Variants in DHRS7B observed in about 807,000 individuals in gnomAD.
DHRS7B encodes dehydrogenase/reductase 7B.
A neutral mutation model predicts 26.4 loss-of-function variants in DHRS7B; 24 were observed. The ratio of observed to expected loss-of-function variants is 0.91; its 90% CI spans 0.66 to 1.28. The LOEUF is 1.28. DHRS7B is among the 50% of genes most tolerant of loss of function. The pLI, the probability that DHRS7B is intolerant of heterozygous loss-of-function variation, is 0.00. For missense variants in DHRS7B, 368 were observed against 419.4 expected (o/e 0.88, Z 1.07); for synonymous variants, 142 against 166.4 (o/e 0.85, Z 1.13).
chr17:21,160,586 G>A (rs533738292), intron 1 of DHRS7B, among the ~76,000 whole-genome samples: 8 of 152,274 alleles, frequency 5.3e-5, no homozygotes, highest in Admixed American at 5.2e-4. Flanking sequence ...TGCTAGCAAG[G>A]AAGTGGAGCA....
rs901329961 is a variant in DHRS7B at position 21,138,211 on chromosome 17, C to CTTTTT, written c.20+11239_20+11243dup. On this transcript the variant is annotated intron_variant, in intron 1 of 6. Coordinates refer to ENST00000395511, the MANE Select transcript of DHRS7B (RefSeq NM_015510.5). ...TTGTCTTGAACATCCATCCCTCCTT[C>CTTTTT]TTTTTTTTTTTTTTTTTTTTTTTGA... is the stretch of plus-strand genomic sequence containing the variant. Among the ~76,000 whole-genome samples the CTTTTT allele has an allele frequency of 5.5e-4, 43 of 78,220 alleles. 5 individuals are homozygous for CTTTTT. Among genetic ancestry groups the CTTTTT allele is most frequent in the African/African-American group, 1.0e-3 (17 of 17,022 alleles). 51.3% of individuals were successfully genotyped at this position (78,220 alleles called of 152,430 possible). A position where few individuals can be genotyped will look rare whatever the true frequency, so the allele number is the denominator to read the frequency against.
At chr17:21,190,393 G>A (rs1470252262) in intron 6 of DHRS7B, among the ~76,000 whole-genome samples, 2 of 152,114 alleles carry the variant, frequency 1.3e-5, no homozygotes, top group Non-Finnish European at 1.5e-5. Context: ...ACTTGACATC[G>A]AGAACAGGGA....
intron 1 of DHRS7B, among the ~76,000 whole-genome samples, chr17:21,131,327 G>A (rs545535069): frequency 4.6e-5 from 7 of 152,338 alleles, no homozygotes; most frequent in African/African-American, 1.4e-4. Flanking sequence ...AAAGGGGTGG[G>A]TAATTCCCGG....
chr17:21,188,238 A>C (rs1400590706), intron 5 of DHRS7B, among the ~76,000 whole-genome samples: 1 of 151,858 alleles, frequency 6.6e-6, no homozygotes, highest in East Asian at 1.9e-4. Context: ...TTCCCTGTTA[A>C]CCTTTTACCT....
chr17:21,129,704 C>CAAAAAAAAAAA (rs61077377), intron 1 of DHRS7B, among the ~76,000 whole-genome samples: 3 of 74,762 alleles, frequency 4.0e-5, no homozygotes, highest in African/African-American at 4.8e-5. Context: ...GACCCTGACT[C>CAAAAAAAAAAA]AAAAAAAAAA....
chr17:21,191,400 A>C lies in DHRS7B; in HGVS notation c.*247A>C, dbSNP rs1597763955. On this transcript the variant is annotated 3_prime_UTR_variant, in exon 7 of 7. Coordinates refer to ENST00000395511, the MANE Select transcript of DHRS7B (RefSeq NM_015510.5). ...CTGGGGTTTAACACTAAAAACTAGAAATAAACATCTCAAACAGTAAGAGTT... is the reference window on the plus strand; with the variant it reads ...CTGGGGTTTAACACTAAAAACTAGACATAAACATCTCAAACAGTAAGAGTT... 2 of 509,054 alleles carry C rather than the reference A, an allele frequency of 3.9e-6. No homozygotes were observed. The highest frequency in any genetic ancestry group is 3.8e-5 in the African/African-American group (2 of 52,094). 31.5% of individuals were successfully genotyped at this position (509,054 alleles called of 1,614,324 possible).
intron 1 of DHRS7B, among the ~76,000 whole-genome samples, chr17:21,131,669 A>G (rs545586755): frequency 3.1e-4 from 47 of 152,308 alleles, no homozygotes; most frequent in African/African-American, 1.1e-3. Flanking sequence ...CCCAGCCTCT[A>G]TTCAAAATAG....
chr17:21,139,167 A>G (rs1973433659), intron 1 of DHRS7B, among the ~76,000 whole-genome samples: 1 of 152,184 alleles, frequency 6.6e-6, no homozygotes, highest in African/African-American at 2.4e-5. Flanking sequence ...AAACCTCCTT[A>G]TTGCCTGTGG....
At chr17:21,187,263 A>G (rs1974658797) in intron 5 of DHRS7B, among the ~76,000 whole-genome samples, 1 of 151,666 alleles carries the variant, frequency 6.6e-6, no homozygotes, top group Non-Finnish European at 1.5e-5. Flanking sequence ...CGAGGCTGCA[A>G]GGAGCTATGA....
At chr17:21,151,566 A>G (rs1973772920) in intron 1 of DHRS7B, among the ~76,000 whole-genome samples, 1 of 151,990 alleles carries the variant, frequency 6.6e-6, no homozygotes, top group African/African-American at 2.4e-5. Context: ...AAAAAGCTTA[A>G]CAAACTGAAA....
intron 1 of DHRS7B, among the ~76,000 whole-genome samples, chr17:21,162,015 A>C (rs72840004): frequency 4.6e-5 from 7 of 151,972 alleles, no homozygotes; most frequent in African/African-American, 1.7e-4. Flanking sequence ...TTTTTCACAC[A>C]GCTCTAAAAA....
chr17:21,166,683 G>T (rs1056472420), intron 1 of DHRS7B, among the ~76,000 whole-genome samples: 1 of 152,166 alleles, frequency 6.6e-6, no homozygotes. Context: ...ACTGGCCATT[G>T]GTTATAAAAT....
intron 1 of DHRS7B, among the ~76,000 whole-genome samples, chr17:21,146,746 C>G (rs1476582088): frequency 6.6e-6 from 1 of 152,134 alleles, no homozygotes; most frequent in Non-Finnish European, 1.5e-5. Context: ...CAATGAATTG[C>G]AAGAAACAAA....
intron 1 of DHRS7B, among the ~76,000 whole-genome samples, chr17:21,159,167 AC>A (rs941498586): frequency 1.8e-4 from 27 of 152,260 alleles, no homozygotes; most frequent in African/African-American, 6.3e-4. Flanking sequence ...AAAATTAAAA[AC>A]TTCTAGTCTG....
chr17:21,189,530 GTCC>G (rs1215716300), intron 6 of DHRS7B, among the ~76,000 whole-genome samples: 1 of 152,206 alleles, frequency 6.6e-6, no homozygotes, highest in Non-Finnish European at 1.5e-5. Context: ...GTCCTGCCAT[GTCC>G]TCCTCCCTGA....
intron 5 of DHRS7B, among the ~76,000 whole-genome samples, chr17:21,185,790 C>T (rs545617166): frequency 8.6e-5 from 13 of 151,964 alleles, no homozygotes; most frequent in Non-Finnish European, 8.8e-5. Context: ...CGGGTTCAAG[C>T]GATTCTTCTG....
chr17:21,178,304 G>C lies in DHRS7B; in HGVS notation c.271G>C (p.Glu91Gln), dbSNP rs1194716115. 6.2e-7 allele frequency: 1 copy of C among 1,614,170 alleles called. No individual in the cohort carries two copies. The highest frequency in any genetic ancestry group is 8.5e-7 in the Non-Finnish European group (1 of 1,180,036). Residue 91 changes from glutamate (E) to glutamine (Q), a missense_variant, in exon 3 of 7, where the codon GAG (glutamate) becomes CAG (glutamine). Physicochemically the swap from Glu to Gln is conservative, Grantham distance 29 (BLOSUM62 2). Transcript: ENST00000395511. ...LCGRNGGALE[E>Q]LIRELTASHA... ...TGGCCGGAATGGTGGGGCCCTAGAA[G>C]AGCTCATCAGAGAACTCACCGCTTC...
Position 21,135,844 on chromosome 17 carries a change from G to T in DHRS7B, c.20+8853G>T, listed in dbSNP as rs115794880. Among the ~76,000 whole-genome samples the T allele has an allele frequency of 9.6e-3, 1,455 of 152,226 alleles. 33 individuals carry two copies. The highest frequency in any genetic ancestry group is 0.033 in the African/African-American group (1,373 of 41,522). On this transcript the variant is annotated intron_variant, in intron 1 of 6. Coordinates refer to ENST00000395511, the MANE Select transcript of DHRS7B (RefSeq NM_015510.5). ...CTTATTTTATCTTTCAAAATTGGCC[G>T]TTACAATCTTACGTGCCCACCTCTT...
chr17:21,143,695 G>C (rs753977186), intron 1 of DHRS7B, among the ~76,000 whole-genome samples: 1 of 152,158 alleles, frequency 6.6e-6, no homozygotes, highest in East Asian at 1.9e-4. Context: ...TAGTAAAATA[G>C]TGGTTCTCAT....
Sources: gnomAD v4.1 joint callset for allele counts (sites outside exome capture counted in the v4.1 genomes callset) on GRCh38, gnomAD v4.1.1 for gene constraint, MANE v1.5 for transcripts, NCBI Gene and HGNC (gene_info 2026-07-23, HGNC 2026-07-21) for gene names.